The following MYO16 variants were observed in gnomAD, a reference collection of about 807,000 sequenced individuals.
The protein encoded by MYO16 is myosin XVI.
MYO16 carries 94 observed loss-of-function variants against 205.3 expected under a neutral mutation model. The ratio of observed to expected loss-of-function variants is 0.46; its 90% CI spans 0.39 to 0.54. MYO16 has a LOEUF of 0.54. MYO16 is among the 20% of genes least tolerant of loss of function. MYO16 has a pLI of 0.00. For missense variants in MYO16, 2,315 were observed against 2,387.5 expected, an observed-to-expected ratio of 0.97 and a Z score of 0.63; for synonymous variants, 988 against 954.0, an observed-to-expected ratio of 1.04 and a Z score of -0.66.
At chr13:108,709,026 T>G (rs1883623058) in intron 2 of MYO16, among the ~76,000 whole-genome samples, 1 of 139,810 alleles carries the variant, frequency 7.2e-6, no homozygotes, top group Non-Finnish European at 1.5e-5. Flanking sequence ...CTCGATGGAG[T>G]TCTGCTGCAG....
chr13:108,850,394 A>T (rs911971683), intron 10 of MYO16, among the ~76,000 whole-genome samples: 12 of 152,256 alleles, frequency 7.9e-5, no homozygotes, highest in Non-Finnish European at 1.5e-4. Flanking sequence ...TTAGCTTTGG[A>T]TCGCAAAACA....
At chr13:108,896,584 C>T (rs557421117) in intron 14 of MYO16, among the ~76,000 whole-genome samples, 3 of 152,264 alleles carry the variant, frequency 2.0e-5, no homozygotes, top group Admixed American at 1.3e-4. Flanking sequence ...TTGTGGTTAG[C>T]GTCAAACTAT....
intron 1 of MYO16, among the ~76,000 whole-genome samples, chr13:108,609,616 C>T (rs952466128): frequency 7.9e-5 from 12 of 152,036 alleles, no homozygotes; most frequent in Admixed American, 2.0e-4. Flanking sequence ...AAGATTCAGC[C>T]GCATTTGATA....
At chr13:108,715,884 A>G (rs922328494) in intron 3 of MYO16, among the ~76,000 whole-genome samples, 1 of 152,236 alleles carries the variant, frequency 6.6e-6, no homozygotes, top group African/African-American at 2.4e-5. Flanking sequence ...AGATATTGCC[A>G]CAATGGGGTA....
chr13:108,842,520 C>T (rs1877298610), intron 9 of MYO16, among the ~76,000 whole-genome samples: 2 of 152,006 alleles, frequency 1.3e-5, no homozygotes, highest in Admixed American at 6.6e-5. Flanking sequence ...AGGTACTCAA[C>T]ATCAGAGAAA....
At chr13:108,496,982 G>A in the MYO16 span, among the ~76,000 whole-genome samples, 5 of 152,334 alleles carry the variant, frequency 3.3e-5, no homozygotes, top group South Asian at 2.1e-4. Flanking sequence ...AATCTCATGC[G>A]GTCTCTGGAG....
chr13:108,500,232 GTTTTTTTTGTTTTT>G, the MYO16 span, among the ~76,000 whole-genome samples: 1 of 17,158 alleles, frequency 5.8e-5, no homozygotes, highest in African/African-American at 2.2e-4. Context: ...TTTTTTTTTT[GTTTTTTTTGTTTTT>G]TTTTTTTGAG....
chr13:108,778,214 C>G (rs878537), intron 4 of MYO16, among the ~76,000 whole-genome samples: 1 of 152,062 alleles, frequency 6.6e-6, no homozygotes, highest in Admixed American at 6.5e-5. Context: ...CATTTTTTCC[C>G]GGTGAAGTCA....
chr13:108,623,387 A>G (rs953522466), intron 1 of MYO16, among the ~76,000 whole-genome samples: 3 of 152,162 alleles, frequency 2.0e-5, no homozygotes, highest in East Asian at 1.9e-4. Flanking sequence ...TAGTGACTAT[A>G]TTGTATCCAT....
the MYO16 span, among the ~76,000 whole-genome samples, chr13:108,561,685 T>A: frequency 1.3e-5 from 2 of 152,262 alleles, no homozygotes. Context: ...CACGCAGATA[T>A]CTACTTGTAG....
At chr13:109,188,492 T>C in intron 34 of MYO16, among the ~76,000 whole-genome samples, 1 of 152,200 alleles carries the variant, frequency 6.6e-6, no homozygotes, top group East Asian at 1.9e-4. Flanking sequence ...AATGTAATTA[T>C]TGATATGGTT....
chr13:108,759,359 C>A (rs963594879), intron 4 of MYO16, among the ~76,000 whole-genome samples: 1 of 152,054 alleles, frequency 6.6e-6, no homozygotes, highest in African/African-American at 2.4e-5. Context: ...TAATACTATT[C>A]CTGTACTTTT....
chr13:108,693,141 C>T (rs1410646564), intron 2 of MYO16, among the ~76,000 whole-genome samples: 3 of 152,086 alleles, frequency 2.0e-5, no homozygotes, highest in Non-Finnish European at 4.4e-5. Context: ...TTATAAATTA[C>T]AATGATAATA....
the MYO16 span, among the ~76,000 whole-genome samples, chr13:108,579,841 A>G: frequency 6.6e-6 from 1 of 152,190 alleles, no homozygotes; most frequent in African/African-American, 2.4e-5. Context: ...TTGTTTGGGC[A>G]TTTTAATTAA....
intron 14 of MYO16, among the ~76,000 whole-genome samples, chr13:108,889,465 T>G (rs1382315519): frequency 1.3e-5 from 2 of 152,188 alleles, no homozygotes; most frequent in Non-Finnish European, 2.9e-5. Context: ...CTAGCAAGTT[T>G]TGTTAAAAGG....
chr13:108,571,382 G>A, the MYO16 span, among the ~76,000 whole-genome samples: 1 of 151,956 alleles, frequency 6.6e-6, no homozygotes, highest in Non-Finnish European at 1.5e-5. Context: ...GCTGAATTTG[G>A]CAAGGACTAC....
At chr13:109,093,796 TC>T (rs1466901786) in intron 27 of MYO16, among the ~76,000 whole-genome samples, 2 of 151,950 alleles carry the variant, frequency 1.3e-5, no homozygotes, top group African/African-American at 4.8e-5. Flanking sequence ...TATAGGAAGG[TC>T]CTCCAGATGG....
chr13:108,666,085 G>A lies in MYO16; in HGVS notation c.228G>A (p.Pro76=), dbSNP rs372620045. 1.8e-5 allele frequency: 29 copies of A among 1,614,026 alleles called. No homozygotes were observed. The Admixed American group carries it at 1.8e-4, about 10-fold the overall frequency. The change falls in exon 2 of 35, where the codon CCG becomes CCA. Residue 76 remains proline, a synonymous_variant. Transcript: ENST00000457511. ...AAAGGCTGAAGCATGCGAAGAATCC[G>A]AAAGTTCACTTCAACCTCACGGACA... ...FLKRLKHAKN[P]KVHFNLTDML... is the part of the protein sequence containing the mutation.
chr13:108,800,324 T>C (rs1886933485), intron 6 of MYO16, among the ~76,000 whole-genome samples: 2 of 152,186 alleles, frequency 1.3e-5, no homozygotes, highest in African/African-American at 4.8e-5. Flanking sequence ...CTCTTTGCCA[T>C]AAAATTGGGA....
Sources: gnomAD v4.1 joint callset for allele counts (sites outside exome capture counted in the v4.1 genomes callset) on GRCh38, gnomAD v4.1.1 for gene constraint, MANE v1.5 for transcripts, NCBI Gene and HGNC (gene_info 2026-07-23, HGNC 2026-07-21) for gene names.